Variants in UNC5A observed in about 807,000 individuals in gnomAD.
The protein encoded by UNC5A is unc-5 netrin receptor A, also known as netrin receptor UNC5A.
UNC5A carries 20 observed loss-of-function variants against 87.4 expected under a neutral mutation model. The observed-to-expected ratio is 0.23, with a 90% CI of 0.16 to 0.33. UNC5A has a LOEUF of 0.33. UNC5A is among the 10% of genes least tolerant of loss of function. The pLI is 1.00. For missense variants in UNC5A, 844 were observed against 1,133.4 expected (o/e 0.74, Z 3.67); for synonymous variants, 438 against 482.3 (o/e 0.91, Z 1.20).
rs1420548280 is a variant in UNC5A at position 176,866,871 on chromosome 5, T to C, written c.293-1259T>C. Among the ~76,000 whole-genome samples, 1 of 152,008 alleles carries C rather than the reference T, an allele frequency of 6.6e-6. No homozygotes were observed. Among genetic ancestry groups the C allele is most frequent in the African/African-American group, 2.4e-5 (1 of 41,382 alleles). ...GAGGGAAGCGGCCCAGCTACCATGA[T>C]CTCACCAGAGGTGACAGCTCTGCCA... On this transcript the variant is annotated intron_variant, in intron 2 of 14. Coordinates refer to ENST00000329542, the MANE Select transcript of UNC5A (RefSeq NM_133369.3). This position sits in a 1 kb window ranked among gnomAD's most constrained non-coding sequence, Gnocchi z 5.0.
At chr5:176,859,873 G>A (rs372344248) in intron 1 of UNC5A, among the ~76,000 whole-genome samples, 2 of 152,362 alleles carry the variant, frequency 1.3e-5, no homozygotes, top group East Asian at 1.9e-4. Flanking sequence ...GTGCCCCCTG[G>A]GTCCACCGGA....
At chr5:176,823,273 G>T (rs750671232) in intron 1 of UNC5A, among the ~76,000 whole-genome samples, 1 of 152,000 alleles carries the variant, frequency 6.6e-6, no homozygotes, top group East Asian at 1.9e-4. Flanking sequence ...AGCTGGGTTG[G>T]GGGAGAAGCT....
chr5:176,868,509 C>A (rs1026081354), intron 3 of UNC5A, 52 bp from the exon 4 acceptor site: 2 of 1,544,748 alleles, frequency 1.3e-6, no homozygotes, highest in Admixed American at 1.9e-5. Context: ...GCCAGCCAGG[C>A]TGAGCCTGTG....
At position 176,866,543 on chromosome 5, in the gene UNC5A, G is replaced by A. The variant is rs982098380; in HGVS notation, c.293-1587G>A. Among the ~76,000 whole-genome samples the A allele has an allele frequency of 5.9e-5, 9 of 152,202 alleles. No individual in the cohort carries two copies. Among genetic ancestry groups the A allele is most frequent in the Non-Finnish European group, 1.3e-4 (9 of 68,032 alleles). Reference sequence around the variant, plus strand: ...AGGGCCGGGCTCCCCACAGCACCACGGGGGATGGAGGAACCATTAACAGAC... The same window carrying A: ...AGGGCCGGGCTCCCCACAGCACCACAGGGGATGGAGGAACCATTAACAGAC... On this transcript the variant is annotated intron_variant, in intron 2 of 14. Coordinates refer to ENST00000329542, the MANE Select transcript of UNC5A (RefSeq NM_133369.3). The surrounding 1 kb of genome is among the most constrained non-coding windows in gnomAD (Gnocchi z 5.0).
Position 176,817,591 on chromosome 5 carries a change from C to G in UNC5A, c.70+6771C>G, listed in dbSNP as rs1001562751. On this transcript the variant is annotated intron_variant, in intron 1 of 14. Transcript: ENST00000329542. The stretch of plus-strand genomic sequence containing the variant: ...CACCCCGCCCCTCCCCACCCCCGCC[C>G]AAACAAATGTGCCCGTCACTGGCGG... 1.1e-3 allele frequency among the ~76,000 whole-genome samples: 164 copies of G among 151,958 alleles called. 1 individual carries two copies. Among genetic ancestry groups the G allele is most frequent in the African/African-American group, 3.6e-3 (149 of 41,472 alleles).
At chr5:176,842,191 C>G (rs917073955) in intron 1 of UNC5A, among the ~76,000 whole-genome samples, 1 of 152,172 alleles carries the variant, frequency 6.6e-6, no homozygotes, top group African/African-American at 2.4e-5. Flanking sequence ...AGCGAGACTC[C>G]GTCTCAAAAC....
rs73804249 is a variant in UNC5A, at chr5:176,858,918, G to C, written c.71-3706G>C. 4.9e-3 allele frequency among the ~76,000 whole-genome samples: 739 copies of C among 152,228 alleles called. 7 individuals are homozygous for C. The highest frequency in any genetic ancestry group is 0.015 in the African/African-American group (644 of 41,554). On this transcript the variant is annotated intron_variant, in intron 1 of 14. Coordinates refer to ENST00000329542, the MANE Select transcript of UNC5A (RefSeq NM_133369.3). Reference sequence around the variant, plus strand: ...GTGAGAGCCCTGACCGGGACACCGAGGGGGGGACAGACAGATCTCAGGTAC... The same window carrying C: ...GTGAGAGCCCTGACCGGGACACCGACGGGGGGACAGACAGATCTCAGGTAC...
chr5:176,878,202 G>A (rs779953534), intron 11 of UNC5A, 42 bp from the exon 12 acceptor site: 12 of 1,603,436 alleles, frequency 7.5e-6, no homozygotes, highest in East Asian at 2.2e-5. Context: ...TGCCTTGGGC[G>A]CAGTGGGGAG....
chr5:176,817,007 G>T (rs1272046994), intron 1 of UNC5A, among the ~76,000 whole-genome samples: 2 of 152,360 alleles, frequency 1.3e-5, no homozygotes, highest in South Asian at 2.1e-4. Context: ...AAGTGGGAGA[G>T]GGGGAGCCAC....
At chr5:176,822,913 G>C (rs2113590967) in intron 1 of UNC5A, among the ~76,000 whole-genome samples, 1 of 152,266 alleles carries the variant, frequency 6.6e-6, no homozygotes, top group South Asian at 2.1e-4. Flanking sequence ...GCAAGCGACA[G>C]GGCTGTGACC....
intron 1 of UNC5A, among the ~76,000 whole-genome samples, chr5:176,825,074 G>A (rs1028878429): frequency 6.6e-6 from 1 of 152,218 alleles, no homozygotes; most frequent in African/African-American, 2.4e-5. Flanking sequence ...GTTTGAAGTG[G>A]TGGAGGATAG....
chr5:176,855,305 G>A (rs1166491612), intron 1 of UNC5A, among the ~76,000 whole-genome samples: 1 of 152,242 alleles, frequency 6.6e-6, no homozygotes, highest in Admixed American at 6.5e-5. Flanking sequence ...ACGGCTCCAA[G>A]CTCAGCACAG....
At chr5:176,829,881 C>CTTT (rs70991576) in intron 1 of UNC5A, among the ~76,000 whole-genome samples, 12 of 87,318 alleles carry the variant, frequency 1.4e-4, no homozygotes, top group Non-Finnish European at 2.4e-4. Context: ...ATCACTGCTC[C>CTTT]TTTTTTTTTT....
At chr5:176,857,857 G>A (rs931237628) in intron 1 of UNC5A, among the ~76,000 whole-genome samples, 1 of 152,240 alleles carries the variant, frequency 6.6e-6, no homozygotes, top group Non-Finnish European at 1.5e-5. Flanking sequence ...CGGGCAGCCA[G>A]GCCAGGTCAC....
Position 176,862,853 on chromosome 5 carries a change from G to T in UNC5A, c.292+8G>T, listed in dbSNP as rs756125774. On this transcript the variant is annotated splice_region_variant and intron_variant, in intron 2 of 14. Transcript: ENST00000329542. Reference sequence around the variant, plus strand: ...GCACAGACGGGAGCAGTGGTGAGCCGCATGGGGCGCCAGGCAGGGCCAATC... The same window carrying T: ...GCACAGACGGGAGCAGTGGTGAGCCTCATGGGGCGCCAGGCAGGGCCAATC... The T allele has an allele frequency of 4.3e-6, 7 of 1,611,726 alleles. No homozygotes were observed. The highest frequency in any genetic ancestry group is 4.0e-5 in the African/African-American group (3 of 74,886).
In UNC5A at chr5:176,824,552, A is replaced by G. The variant is rs1235025201; in HGVS notation, c.70+13732A>G. Among the ~76,000 whole-genome samples, 2 of 151,906 alleles carry G rather than the reference A, an allele frequency of 1.3e-5. No individual in the cohort carries two copies. The highest frequency in any genetic ancestry group is 4.8e-5 in the African/African-American group (2 of 41,270). On this transcript the variant is annotated intron_variant, in intron 1 of 14. Transcript: ENST00000329542. This position sits in a 1 kb window ranked among gnomAD's most constrained non-coding sequence, Gnocchi z 4.2. ...TTAGCCCCCACGCGGCAGATAGAAC[A>G]TTCTAAAAAAAAAAGAGAGAAAGAG...
chr5:176,859,159 C>G (rs812729), intron 1 of UNC5A, among the ~76,000 whole-genome samples: 9,576 of 20,536 alleles, frequency 0.47, 2,156 homozygotes, highest in Non-Finnish European at 0.53. Context: ...ATAGCTGCTA[C>G]AATGTCCTTG....
rs761492284 is a variant in UNC5A at position 176,868,233 on chromosome 5, G to A, written c.396G>A (p.Ser132=). The A allele has an allele frequency of 1.2e-5, 20 of 1,613,436 alleles. No homozygotes were observed. Among genetic ancestry groups the A allele is most frequent in the South Asian group, 4.4e-5 (4 of 91,080 alleles). Residue 132 remains serine, a synonymous_variant, in exon 3 of 15, where the codon TCG becomes TCA. Transcript: ENST00000329542. The part of the protein sequence containing the change: ...YWCQCVAWSS[S]GTTKSQKAYI... ...GCCAGTGCGTGGCATGGAGCTCCTC[G>A]GGCACCACCAAGAGTCAGAAGGCCT...
At chr5:176,836,919 C>T (rs952651543) in intron 1 of UNC5A, among the ~76,000 whole-genome samples, 15 of 152,156 alleles carry the variant, frequency 9.9e-5, no homozygotes, top group South Asian at 4.1e-4. Flanking sequence ...AAAATTAGAA[C>T]GTTAGGAGGC....
Sources: gnomAD v4.1 joint callset for allele counts (sites outside exome capture counted in the v4.1 genomes callset) on GRCh38, gnomAD v4.1.1 for gene constraint, Gnocchi (gnomAD v3.1) non-coding constraint, MANE v1.5 for transcripts, NCBI Gene and HGNC (gene_info 2026-07-23, HGNC 2026-07-21) for gene names.